NHS: variants seen among roughly 807,000 people sequenced by gnomAD.
NHS encodes the protein actin remodeling regulator NHS.
NHS carries 5 observed loss-of-function variants against 72.5 expected under a neutral mutation model. The ratio of observed to expected loss-of-function variants is 0.07; its 90% CI spans 0.04 to 0.14. The LOEUF is 0.14. Ranked by LOEUF, NHS falls within the 10% of genes least tolerant of loss-of-function variation. The probability of loss-of-function intolerance (pLI) is 1.00; values close to 1 mark genes in which losing one functional copy is unlikely to be tolerated. For synonymous variants in NHS, 464 were observed against 547.7 expected (o/e 0.85, Z 2.13); for missense variants, 1,072 against 1,355.7 (o/e 0.79, Z 3.29).
At chrX:17,623,618 A>G (rs755520755) in intron 1 of NHS, among the ~76,000 whole-genome samples, 1 of 111,742 alleles carries the variant, frequency 8.9e-6, no homozygotes, top group East Asian at 2.8e-4. Context: ...GAACCACAGG[A>G]TATAGGTATG....
chrX:17,579,933 C>T (rs2065534155), intron 1 of NHS, among the ~76,000 whole-genome samples: 1 of 110,871 alleles, frequency 9.0e-6, no homozygotes, highest in African/African-American at 3.3e-5. Context: ...GTTCTCTACT[C>T]TCCCTCAGAG....
At chrX:17,499,826 G>A (rs1379412736) in intron 1 of NHS, among the ~76,000 whole-genome samples, 1 of 112,131 alleles carries the variant, frequency 8.9e-6, no homozygotes, top group Non-Finnish European at 1.9e-5. Context: ...ACCACTCACA[G>A]TATCTGGAGA....
At chrX:17,601,766 T>C (rs1310851998) in intron 1 of NHS, among the ~76,000 whole-genome samples, 2 of 111,796 alleles carry the variant, frequency 1.8e-5, no homozygotes, top group African/African-American at 6.5e-5. Context: ...GGGAGGAATA[T>C]AACGACTTAG....
At chrX:17,467,629 A>T (rs1232197822) in intron 1 of NHS, among the ~76,000 whole-genome samples, 1 of 112,528 alleles carries the variant, frequency 8.9e-6, no homozygotes. Flanking sequence ...ATATCATTTT[A>T]AAAATTAAAT....
At chrX:17,588,207 G>A (rs752466630) in intron 1 of NHS, among the ~76,000 whole-genome samples, 11 of 111,264 alleles carry the variant, frequency 9.9e-5, no homozygotes, top group Non-Finnish European at 2.1e-4. Flanking sequence ...GGTCTGGGGA[G>A]GGGTGCAGTA....
intron 1 of NHS, among the ~76,000 whole-genome samples, chrX:17,390,269 C>T (rs143523430): frequency 1.4e-3 from 161 of 112,365 alleles, no homozygotes; most frequent in Admixed American, 4.8e-3. Context: ...ATGTTTCTCT[C>T]CAGTCTACAT....
intron 1 of NHS, among the ~76,000 whole-genome samples, chrX:17,377,903 A>G (rs973928365): frequency 8.9e-6 from 1 of 112,264 alleles, no homozygotes; most frequent in African/African-American, 3.2e-5. Flanking sequence ...GAGCGCTTTA[A>G]TCCTGCCTCC....
chrX:17,572,350 C>T (rs2065484313), intron 1 of NHS, among the ~76,000 whole-genome samples: 1 of 110,422 alleles, frequency 9.1e-6, no homozygotes, highest in Admixed American at 9.7e-5. Flanking sequence ...CTTGGTGCTC[C>T]TGTATTGGGT....
At chrX:17,731,490 G>A (rs763067682) in intron 8 of NHS, among the ~76,000 whole-genome samples, 50 of 110,255 alleles carry the variant, frequency 4.5e-4, no homozygotes, top group African/African-American at 1.6e-3. Context: ...TGCCTATCTC[G>A]GCCTACCAAA....
At chrX:17,537,525 C>T (rs768049548) in intron 1 of NHS, among the ~76,000 whole-genome samples, 14 of 112,517 alleles carry the variant, frequency 1.2e-4, no homozygotes, top group Non-Finnish European at 2.4e-4. Flanking sequence ...AAAAATCAGA[C>T]ACTTTGGAGG....
chrX:17,596,732 G>T (rs1465085724), intron 1 of NHS, among the ~76,000 whole-genome samples: 1 of 111,596 alleles, frequency 9.0e-6, no homozygotes, highest in Non-Finnish European at 1.9e-5. Flanking sequence ...AGTCTCAGGG[G>T]CTTCACACAA....
At chrX:17,428,812 T>C (rs1214178694) in intron 1 of NHS, among the ~76,000 whole-genome samples, 1 of 111,469 alleles carries the variant, frequency 9.0e-6, no homozygotes, top group Non-Finnish European at 1.9e-5. Flanking sequence ...TTTTATCTCC[T>C]TGAATGCACA....
At chrX:17,413,343 T>G (rs1370030594) in intron 1 of NHS, among the ~76,000 whole-genome samples, 2 of 112,417 alleles carry the variant, frequency 1.8e-5, no homozygotes, top group Admixed American at 1.9e-4. Flanking sequence ...TCAAGTTCAT[T>G]GCATCATGAT....
chrX:17,444,988 G>A (rs766888591), intron 1 of NHS, among the ~76,000 whole-genome samples: 21 of 109,025 alleles, frequency 1.9e-4, no homozygotes, highest in Non-Finnish European at 3.6e-4. Context: ...TATTTTTTTT[G>A]GTACTACCAG....
chrX:17,526,696 C>T (rs1003946396), intron 1 of NHS, among the ~76,000 whole-genome samples: 1 of 111,634 alleles, frequency 9.0e-6, no homozygotes, highest in African/African-American at 3.3e-5. Context: ...TATTTCTATG[C>T]GCATTTCTGG....
At chrX:17,401,994 A>G (rs967039928) in intron 1 of NHS, among the ~76,000 whole-genome samples, 11 of 111,987 alleles carry the variant, frequency 9.8e-5, no homozygotes, top group Non-Finnish European at 1.9e-4. Context: ...CAACAATAAA[A>G]AGACAACCTA....
intron 1 of NHS, among the ~76,000 whole-genome samples, chrX:17,615,137 T>C (rs1251276183): frequency 8.1e-4 from 73 of 90,111 alleles, no homozygotes; most frequent in African/African-American, 2.6e-3. Context: ...TACATATGTG[T>C]GTATATATAT....
intron 1 of NHS, among the ~76,000 whole-genome samples, chrX:17,493,967 T>C (rs2146919290): frequency 9.0e-6 from 1 of 110,639 alleles, no homozygotes; most frequent in Non-Finnish European, 1.9e-5. Flanking sequence ...TCTCTGGGCC[T>C]CAGTTTCCTC....
chrX:17,537,818 G>A (rs1045359585), intron 1 of NHS, among the ~76,000 whole-genome samples: 3 of 112,026 alleles, frequency 2.7e-5, no homozygotes, highest in Non-Finnish European at 5.6e-5. Context: ...TTGTTTGGGG[G>A]GATTGGAGTG....
Sources: gnomAD v4.1 joint callset for allele counts (sites outside exome capture counted in the v4.1 genomes callset) on GRCh38, gnomAD v4.1.1 for gene constraint, MANE v1.5 for transcripts, NCBI Gene and HGNC (gene_info 2026-07-23, HGNC 2026-07-21) for gene names.